BCOR: variants seen among roughly 807,000 people sequenced by gnomAD.
BCOR encodes the protein BCL6 corepressor.
A neutral mutation model predicts 86.7 loss-of-function variants in BCOR; 10 were observed. The observed-to-expected ratio is 0.12, with a 90% CI of 0.07 to 0.20. The LOEUF (loss-of-function observed/expected upper bound fraction) is 0.20. Among genes scored for constraint, BCOR ranks in the 10% least tolerant of loss-of-function variants. The pLI, the probability that BCOR is intolerant of heterozygous loss-of-function variation, is 1.00. For synonymous variants in BCOR, 611 were observed against 609.0 expected (o/e 1.00, Z -0.05); for missense variants, 1,259 against 1,452.1 (o/e 0.87, Z 2.16).
intron 1 of BCOR, among the ~76,000 whole-genome samples, chrX:40,084,026 A>AC (rs1936236835): frequency 2.7e-5 from 3 of 111,463 alleles, no homozygotes; most frequent in African/African-American, 9.8e-5. Context: ...GGCACGGCAG[A>AC]CCCCTCCTCG....
At position 40,076,980 on chromosome X, in the gene BCOR, C is replaced by G. The variant is rs1468814971; in HGVS notation, c.87-448G>C. The G allele has an allele frequency of 1.0e-5, 3 of 299,228 alleles. No homozygotes were observed. In the Admixed American group the frequency reaches 1.3e-4, roughly 13 times the overall value. The allele number at this position is 299,228 out of a possible 1,213,427, so 24.7% of individuals were successfully genotyped here. A position where few individuals can be genotyped will look rare whatever the true frequency, so the allele number is the denominator to read the frequency against. On this transcript the variant is annotated intron_variant, in intron 2 of 14. Transcript: ENST00000378444. The stretch of plus-strand genomic sequence containing the variant: ...CGTGTCATCAACCACTTCCGTGTTA[C>G]CCAGGAGGGTAGGCTTTCAAAACTT...
exon 1 of BCOR, chrX:40,177,101 G>C (rs928017910): frequency 1.8e-5 from 2 of 110,704 alleles, no homozygotes; most frequent in Admixed American, 9.6e-5. Context: ...TCTGGGCTGG[G>C]GGGGAGGGGG....
At chrX:40,090,927 C>T (rs1042116589) in intron 1 of BCOR, among the ~76,000 whole-genome samples, 14 of 111,820 alleles carry the variant, frequency 1.3e-4, no homozygotes, top group Non-Finnish European at 2.3e-4. Context: ...TCCTCTCCCT[C>T]TAAGTTCCTA....
At chrX:40,097,062 G>A (rs1936918194) in intron 1 of BCOR, among the ~76,000 whole-genome samples, 153 bp downstream of exon 1, 1 of 112,916 alleles carries the variant, frequency 8.9e-6, no homozygotes, top group Non-Finnish European at 1.9e-5. Flanking sequence ...AAACGAAAGC[G>A]AGCCAAGCAG....
chrX:40,150,328 A>G (rs1440289725), intron 1 of BCOR, among the ~76,000 whole-genome samples: 2 of 112,075 alleles, frequency 1.8e-5, no homozygotes, highest in Non-Finnish European at 3.8e-5. Context: ...GATGCCAAAA[A>G]CTGTGTGAAC....
intron 1 of BCOR, among the ~76,000 whole-genome samples, chrX:40,085,561 T>C (rs761018936): frequency 9.0e-6 from 1 of 111,086 alleles, no homozygotes; most frequent in African/African-American, 3.3e-5. Context: ...TGTTAAAACT[T>C]AGAGAGTAGA....
chrX:40,123,765 CG>C, intron 1 of BCOR, among the ~76,000 whole-genome samples: 1 of 108,928 alleles, frequency 9.2e-6, no homozygotes, highest in Non-Finnish European at 1.9e-5. Context: ...TGGGAGGAGA[CG>C]TGGGCTAGGG....
chrX:40,118,792 G>C lies in BCOR; in HGVS notation c.-40-40823C>G, dbSNP rs942387301. ...GGCTACAGGGGCCTCCTGAGACTGG[G>C]CCCTGATCCCTTGCCTCAGGTGGGA... On this transcript the variant is annotated intron_variant, in intron 1 of 14. Transcript: ENST00000342274. 4.5e-5 allele frequency among the ~76,000 whole-genome samples: 5 copies of C among 112,182 alleles called. No homozygotes were observed. In the Admixed American group the frequency reaches 4.7e-4, roughly 11 times the overall value.
chrX:40,057,199 A>G lies in BCOR; in HGVS notation c.4551T>C (p.Leu1517=). Residue 1517 remains leucine (L), a synonymous_variant, in exon 11 of 15, where the codon CTT becomes CTC. Coordinates refer to ENST00000378444, the MANE Select transcript of BCOR (RefSeq NM_001123385.2). ...TACAGTTGACATCAGCGCCATATTC[A>G]AGGAGGTGTCGCACAATGTTGAGCC... is the stretch of plus-strand genomic sequence containing the variant. ...RGWLNIVRHL[L]EYGADVNCSA... is the part of the protein sequence containing the mutation. 8.3e-7 allele frequency: 1 copy of G among 1,211,980 alleles called. No homozygotes were observed. Among genetic ancestry groups the G allele is most frequent in the Non-Finnish European group, 1.1e-6 (1 of 895,553 alleles).
At chrX:40,077,632 T>C in intron 2 of BCOR, 1 of 436,964 alleles carries the variant, frequency 2.3e-6, no homozygotes. Context: ...GAAAGTGCAC[T>C]GAAAGGCCGC....
intron 6 of BCOR, among the ~76,000 whole-genome samples, chrX:40,070,137 C>T (rs1017503902): frequency 8.9e-6 from 1 of 111,880 alleles, no homozygotes; most frequent in African/African-American, 3.3e-5. Context: ...ACATACCCAA[C>T]ACTTCCAAGT....
At chrX:40,078,878 C>T (rs1393493492) in intron 1 of BCOR, among the ~76,000 whole-genome samples, 2 of 100,135 alleles carry the variant, frequency 2.0e-5, no homozygotes, top group Non-Finnish European at 4.0e-5. Flanking sequence ...TTCTAGTTTG[C>T]TGCATGAGTG....
chrX:40,062,027 C>A, intron 10 of BCOR, 112 bp downstream of exon 10: 2 of 996,551 alleles, frequency 2.0e-6, no homozygotes, highest in East Asian at 6.7e-5. Flanking sequence ...CCGGCCCAGC[C>A]CCGATGTGGA....
rs1197263855 is a variant in BCOR at position 40,097,255 on chromosome X, C to G, written c.-81G>C. 3 of 104,467 alleles carry G rather than the reference C, an allele frequency of 2.9e-5. No homozygotes were observed. Among genetic ancestry groups the G allele is most frequent in the African/African-American group, 1.1e-4 (3 of 28,550 alleles). The allele number at this position is 104,467 out of a possible 1,213,427, so 8.6% of individuals were successfully genotyped here. A position where few individuals can be genotyped will look rare whatever the true frequency, so the allele number is the denominator to read the frequency against. On this transcript the variant is annotated 5_prime_UTR_variant, in exon 1 of 15. Transcript: ENST00000378444. ...GGGGAGTAGGCAGGGAGCCTGCGAT[C>G]CGGCTCTTTGAAGTTTTCCCCCAAG...
Position 40,074,602 on chromosome X carries a change from C to T in BCOR, c.744G>A (p.Pro248=), listed in dbSNP as rs921766066. Reference sequence around the variant, plus strand: ...TGTGGGGACCGACGTAGTGAGGTGGCGGCAGGTAGAGAAAGCGCTCCCCAT... The same window carrying T: ...TGTGGGGACCGACGTAGTGAGGTGGTGGCAGGTAGAGAAAGCGCTCCCCAT... ...CTNGERFLYL[P]PPHYVGPHIP... Residue 248 remains proline (P), a synonymous_variant, in exon 4 of 15, where the codon CCG becomes CCA. Transcript: ENST00000378444. 5 of 1,211,824 alleles carry T rather than the reference C, an allele frequency of 4.1e-6. No individual in the cohort carries two copies. Among genetic ancestry groups the T allele is most frequent in the African/African-American group, 1.7e-5 (1 of 57,917 alleles).
At chrX:40,109,890 C>CG (rs1199320537) in intron 1 of BCOR, among the ~76,000 whole-genome samples, 1 of 109,717 alleles carries the variant, frequency 9.1e-6, no homozygotes. Flanking sequence ...GGGAAGCGCG[C>CG]GGGGGCGGTC....
At chrX:40,096,954 G>A in intron 1 of BCOR, among the ~76,000 whole-genome samples, 1 of 112,278 alleles carries the variant, frequency 8.9e-6, no homozygotes, top group East Asian at 2.9e-4. Flanking sequence ...CTGGCCCACC[G>A]GGAGGCGCCA....
Position 40,055,401 on chromosome X carries a change from T to C in BCOR, c.4708A>G (p.Thr1570Ala). 1 of 1,211,431 alleles carries C rather than the reference T, an allele frequency of 8.3e-7. No homozygotes were observed. Residue 1570 changes from threonine (T) to alanine (A), a missense_variant, in exon 12 of 15, where the codon ACC (threonine) becomes GCC (alanine). This residue lies in a region of BCOR where 137 missense variants were observed against 149.8 expected (regional missense o/e 0.91). Transcript: ENST00000378444. Reference sequence around the variant, plus strand: ...AACTTTTCCATAAGTTCACTGTGGGTCATTTTCATGATGGTTCTACCTGAG... The same window carrying C: ...AACTTTTCCATAAGTTCACTGTGGGCCATTTTCATGATGGTTCTACCTGAG... The part of the protein sequence containing the change: ...TYSGRTIMKM[T>A]HSELMEKFLT...
chrX:40,122,674 G>A (rs959019636), intron 1 of BCOR, among the ~76,000 whole-genome samples: 2 of 111,969 alleles, frequency 1.8e-5, no homozygotes, highest in African/African-American at 3.2e-5. Flanking sequence ...CATGGAAGCC[G>A]CCACTCGGGG....
Sources: allele counts gnomAD v4.1 joint callset (sites outside exome capture counted in the v4.1 genomes callset), GRCh38; gene constraint gnomAD v4.1.1; regional missense constraint gnomAD v4.1.1; transcripts MANE v1.5; gene names NCBI Gene and HGNC (gene_info 2026-07-23, HGNC 2026-07-21).